The following CEMIP2 variants were observed in gnomAD, a reference collection of about 807,000 sequenced individuals.
CEMIP2 encodes cell migration inducing hyaluronidase 2.
A neutral mutation model predicts 146.9 loss-of-function variants in CEMIP2; 79 were observed. That is an observed-to-expected ratio of 0.54 (90% CI 0.45 to 0.65). The LOEUF is 0.65. Ranked by LOEUF, CEMIP2 falls within the 30% of genes least tolerant of loss-of-function variation. The pLI is 0.00. For synonymous variants in CEMIP2, 601 were observed against 606.3 expected, an observed-to-expected ratio of 0.99 and a Z score of 0.13; for missense variants, 1,596 against 1,696.2, an observed-to-expected ratio of 0.94 and a Z score of 1.04.
rs1432360352 is a variant in CEMIP2, at chr9:71,690,141, C to G, written c.3802G>C (p.Ala1268Pro). ...TACTCTTCAATGCGACTGACATCAG[C>G]AAGAGGAAAAACCGTTTTTTCCGTC... Reference protein sequence around the residue: ...RLTEKTVFPLADVSRIEEYLK... With the variant: ...RLTEKTVFPLPDVSRIEEYLK... The change falls in exon 22 of 24, where the codon GCT becomes CCT. Residue 1268 changes from alanine (A) to proline (P), a missense_variant. Coordinates refer to ENST00000377044, the MANE Select transcript of CEMIP2 (RefSeq NM_013390.3). 6.2e-7 allele frequency: 1 copy of G among 1,614,002 alleles called. No homozygotes were observed. Among genetic ancestry groups the G allele is most frequent in the Non-Finnish European group, 8.5e-7 (1 of 1,180,020 alleles).
chr9:71,732,048 C>A (rs1165049053), intron 7 of CEMIP2, among the ~76,000 whole-genome samples: 2 of 151,998 alleles, frequency 1.3e-5, no homozygotes, highest in African/African-American at 4.8e-5. Flanking sequence ...GGATACCAAC[C>A]AAGAGCCTTC....
In CEMIP2 at chr9:71,685,157, C is replaced by T. The variant is rs1268578235; in HGVS notation, c.*40G>A. 2 of 1,514,978 alleles carry T rather than the reference C, an allele frequency of 1.3e-6. No homozygotes were observed. The highest frequency in any genetic ancestry group is 1.8e-6 in the Non-Finnish European group (2 of 1,123,038). The allele number at this position is 1,514,978 out of a possible 1,614,324, so 93.8% of individuals were successfully genotyped here. On this transcript the variant is annotated 3_prime_UTR_variant, in exon 24 of 24. Coordinates refer to ENST00000377044, the MANE Select transcript of CEMIP2 (RefSeq NM_013390.3). Reference sequence around the variant, plus strand: ...ATGCCATAAATTAAATAAGTTAGTTCACATTTTTTTTCCCCCAGCACTTAA... The same window carrying T: ...ATGCCATAAATTAAATAAGTTAGTTTACATTTTTTTTCCCCCAGCACTTAA...
Position 71,704,389 on chromosome 9 carries a change from G to GA in CEMIP2, c.3194+205dup, listed in dbSNP as rs59060767. 1,948 of 581,676 alleles carry GA rather than the reference G, an allele frequency of 3.3e-3. 21 individuals are homozygous for GA. Among genetic ancestry groups the GA allele is most frequent in the African/African-American group, 0.026 (1,357 of 52,824 alleles). The allele number at this position is 581,676 out of a possible 1,614,324, so 36.0% of individuals were successfully genotyped here. On this transcript the variant is annotated intron_variant, in intron 18 of 23. Coordinates refer to ENST00000377044, the MANE Select transcript of CEMIP2 (RefSeq NM_013390.3). ...ATGTGCATAATAACTTGACCACAGA[G>GA]AAAAAAAAAGCTTTTGAAATGACAG...
intron 4 of CEMIP2, among the ~76,000 whole-genome samples, chr9:71,740,744 A>C (rs1248844097): frequency 6.6e-6 from 1 of 152,172 alleles, no homozygotes; most frequent in East Asian, 1.9e-4. Flanking sequence ...AGTTTGCAAT[A>C]ATTTATTTTT....
At chr9:71,700,253 A>C (rs1293325431) in intron 19 of CEMIP2, among the ~76,000 whole-genome samples, 1 of 152,240 alleles carries the variant, frequency 6.6e-6, no homozygotes, top group African/African-American at 2.4e-5. Flanking sequence ...ACTCAAGGTC[A>C]ACTTGTAAGA....
intron 5 of CEMIP2, among the ~76,000 whole-genome samples, chr9:71,735,351 C>T (rs1823733535): frequency 6.6e-6 from 1 of 152,052 alleles, no homozygotes; most frequent in Admixed American, 6.6e-5. Flanking sequence ...CCAAACCATC[C>T]TAATATGTGA....
chr9:71,730,400 A>T, intron 8 of CEMIP2, 147 bp from the exon 9 acceptor site: 1 of 794,396 alleles, frequency 1.3e-6, no homozygotes, highest in Non-Finnish European at 2.0e-6. Context: ...TGTCAGGCTT[A>T]ATTTATCTCT....
rs759392770 is a variant in CEMIP2 at position 71,745,294 on chromosome 9, G to T, written c.758C>A (p.Pro253His). ...CTTTTCAAAGGTATAGGACCCAAAG[G>T]GCAAGCCTGAGGAATTCAGGGTCCT... ...LARTLNSSGL[P>H]FGSYTFEKDF... The change falls in exon 4 of 24, where the codon CCC (proline) becomes CAC (histidine). Residue 253 changes from proline (P) to histidine (H), a missense_variant. Pro to His is a moderately conservative substitution (Grantham distance 77). Transcript: ENST00000377044. 3 of 1,613,778 alleles carry T rather than the reference G, an allele frequency of 1.9e-6. No individual in the cohort carries two copies. The highest frequency in any genetic ancestry group is 2.5e-6 in the Non-Finnish European group (3 of 1,179,888).
At position 71,761,037 on chromosome 9, in the gene CEMIP2, A is replaced by C. The variant is rs1824619414; in HGVS notation, c.-13+7320T>G. Among the ~76,000 whole-genome samples the C allele has an allele frequency of 2.0e-5, 3 of 152,348 alleles. No homozygotes were observed. The South Asian group carries it at 6.2e-4, about 32-fold the overall frequency. On this transcript the variant is annotated intron_variant, in intron 1 of 23. Coordinates refer to ENST00000377044, the MANE Select transcript of CEMIP2 (RefSeq NM_013390.3). ...GTTCTCAACTGGCTGGGAAGATTCA[A>C]GAGAGGCTTCCAACCTGCTGGCAGT...
intron 5 of CEMIP2, among the ~76,000 whole-genome samples, chr9:71,739,330 C>T (rs566821536): frequency 1.2e-3 from 148 of 120,486 alleles, no homozygotes; most frequent in Admixed American, 2.4e-3. Context: ...CCACTGCACT[C>T]CAGCCTGGGT....
At chr9:71,706,410 G>A (rs919275204) in intron 17 of CEMIP2, among the ~76,000 whole-genome samples, 2 of 152,022 alleles carry the variant, frequency 1.3e-5, no homozygotes, top group African/African-American at 2.4e-5. Context: ...ATTCTCAGGA[G>A]TAAATTTCTG....
At chr9:71,706,273 A>G (rs1476547496) in intron 17 of CEMIP2, among the ~76,000 whole-genome samples, 1 of 152,034 alleles carries the variant, frequency 6.6e-6, no homozygotes, top group Admixed American at 6.6e-5. Flanking sequence ...CCACTAAAAA[A>G]TATTTACAAA....
At chr9:71,738,733 G>A (rs1418723196) in intron 5 of CEMIP2, among the ~76,000 whole-genome samples, 1 of 151,762 alleles carries the variant, frequency 6.6e-6, no homozygotes, top group African/African-American at 2.4e-5. Flanking sequence ...AGCTATTTGG[G>A]AGGCTGAGGC....
At chr9:71,734,208 GTTTTT>G (rs755645552) in intron 6 of CEMIP2, among the ~76,000 whole-genome samples, 2 of 144,136 alleles carry the variant, frequency 1.4e-5, no homozygotes, top group African/African-American at 2.5e-5. Context: ...ATGAGTTTTT[GTTTTT>G]GTTTTTGTTT....
At chr9:71,686,175 G>A (rs563700972) in intron 22 of CEMIP2, 8 of 231,722 alleles carry the variant, frequency 3.5e-5, no homozygotes, top group East Asian at 1.0e-4. Flanking sequence ...GTGAGCAGGC[G>A]AGCGAAGCTT....
In CEMIP2 at chr9:71,728,283, A is replaced by ATATACACG. The variant is rs1554684733; in HGVS notation, c.2049+1561_2049+1562insCGTGTATA. The stretch of plus-strand genomic sequence containing the variant: ...CACGTATATATATATATATATATGT[A>ATATACACG]TATATATATATATATATACATATAT... On this transcript the variant is annotated intron_variant, in intron 10 of 23. Transcript: ENST00000377044. 1.2e-4 allele frequency among the ~76,000 whole-genome samples: 3 copies of ATATACACG among 25,604 alleles called. 1 individual carries two copies. Among genetic ancestry groups the ATATACACG allele is most frequent in the Admixed American group, 7.7e-4 (1 of 1,302 alleles). The allele number at this position is 25,604 out of a possible 152,430, so 16.8% of individuals were successfully genotyped here. A position where few individuals can be genotyped will look rare whatever the true frequency, so the allele number is the denominator to read the frequency against.
rs1822006327 is a variant in CEMIP2 at position 71,684,811 on chromosome 9, A to G, written c.*386T>C. On this transcript the variant is annotated 3_prime_UTR_variant, in exon 24 of 24. Coordinates refer to ENST00000377044, the MANE Select transcript of CEMIP2 (RefSeq NM_013390.3). ...CGACCCAACTGAGCATTAAACTTCAAGTATCCAAGGTGCTACAATAGCTGG... is the reference window on the plus strand; with the variant it reads ...CGACCCAACTGAGCATTAAACTTCAGGTATCCAAGGTGCTACAATAGCTGG... The G allele has an allele frequency of 6.1e-6, 1 of 163,760 alleles. No homozygotes were observed. Among genetic ancestry groups the G allele is most frequent in the South Asian group, 2.0e-4 (1 of 4,974 alleles). The allele number at this position is 163,760 out of a possible 1,614,324, so 10.1% of individuals were successfully genotyped here.
At position 71,721,755 on chromosome 9, in the gene CEMIP2, C is replaced by G. The variant is rs1823238984; in HGVS notation, c.2267+672G>C. Among the ~76,000 whole-genome samples the G allele has an allele frequency of 2.0e-5, 3 of 152,160 alleles. No individual in the cohort carries two copies. The South Asian group carries it at 6.2e-4, about 32-fold the overall frequency. ...GAAGTATGGAAAATAATAATATGTA[C>G]ACAGGTTCTACTGAATATGACTTTA... is the stretch of plus-strand genomic sequence containing the variant. On this transcript the variant is annotated intron_variant, in intron 12 of 23. Coordinates refer to ENST00000377044, the MANE Select transcript of CEMIP2 (RefSeq NM_013390.3).
At chr9:71,743,477 T>A (rs759948350) in intron 4 of CEMIP2, among the ~76,000 whole-genome samples, 3 of 152,194 alleles carry the variant, frequency 2.0e-5, no homozygotes, top group Non-Finnish European at 4.4e-5. Flanking sequence ...GCACATGGAA[T>A]TCCCTTGGTC....
Sources: allele counts gnomAD v4.1 joint callset (sites outside exome capture counted in the v4.1 genomes callset), GRCh38; gene constraint gnomAD v4.1.1; transcripts MANE v1.5; gene names NCBI Gene and HGNC (gene_info 2026-07-23, HGNC 2026-07-21).